The following RBFOX1 variants were observed in gnomAD, a reference collection of about 807,000 sequenced individuals.
RBFOX1 encodes RNA binding fox-1 homolog 1.
In RBFOX1, 8 loss-of-function variants were observed where a neutral mutation model predicts 57.7. The observed-to-expected ratio is 0.14, with a 90% CI of 0.08 to 0.25. The LOEUF (loss-of-function observed/expected upper bound fraction) is 0.25, where lower values mean the gene tolerates loss of function less well. RBFOX1 is among the 10% of genes least tolerant of loss of function. The pLI, the probability that RBFOX1 is intolerant of heterozygous loss-of-function variation, is 1.00. For synonymous variants in RBFOX1, 326 were observed against 222.4 expected, an observed-to-expected ratio of 1.47 and a Z score of -4.15; for missense variants, 611 against 548.5, an observed-to-expected ratio of 1.11 and a Z score of -1.14.
At chr16:6,853,881 G>A (rs75993328) in intron 3 of RBFOX1, among the ~76,000 whole-genome samples, 3,326 of 152,254 alleles carry the variant, frequency 0.022, 129 homozygotes, top group African/African-American at 0.075. Flanking sequence ...AATATAGCCA[G>A]GGCCAGGATC....
chr16:7,402,907 T>G (rs1054097878), intron 4 of RBFOX1, among the ~76,000 whole-genome samples: 4 of 152,112 alleles, frequency 2.6e-5, no homozygotes, highest in South Asian at 4.1e-4. Flanking sequence ...TAAACTGTGG[T>G]CTATAGATGT....
chr16:5,878,423 A>C (rs1364313031), intron 4 of RBFOX1, among the ~76,000 whole-genome samples: 1 of 152,226 alleles, frequency 6.6e-6, no homozygotes, highest in East Asian at 1.9e-4. Flanking sequence ...AGAAGAGTTT[A>C]TGGGACCCAC....
At chr16:6,892,304 C>T (rs1402498392) in intron 3 of RBFOX1, among the ~76,000 whole-genome samples, 6 of 152,152 alleles carry the variant, frequency 3.9e-5, no homozygotes, top group African/African-American at 1.4e-4. Flanking sequence ...CCGTAAAGTA[C>T]TGGATCTCTC....
intron 4 of RBFOX1, among the ~76,000 whole-genome samples, chr16:5,917,319 T>G (rs1597784511): frequency 6.6e-6 from 1 of 152,148 alleles, no homozygotes; most frequent in African/African-American, 2.4e-5. Context: ...GTAAGTCCAT[T>G]AAGCGCCCAC....
chr16:6,868,486 T>G (rs75740006), intron 3 of RBFOX1, among the ~76,000 whole-genome samples: 4,334 of 152,140 alleles, frequency 0.028, 209 homozygotes, highest in East Asian at 0.2. Context: ...TTTATGATTT[T>G]TTTTTGAGAC....
intron 4 of RBFOX1, among the ~76,000 whole-genome samples, chr16:7,245,392 C>T (rs2094249785): frequency 6.6e-6 from 1 of 151,978 alleles, no homozygotes; most frequent in Admixed American, 6.6e-5. Flanking sequence ...TAAACATGTG[C>T]CATGGTTGTT....
At chr16:5,668,904 T>A (rs2049932638) in intron 3 of RBFOX1, among the ~76,000 whole-genome samples, 1 of 152,142 alleles carries the variant, frequency 6.6e-6, no homozygotes, top group African/African-American at 2.4e-5. Context: ...GTTCACAGTT[T>A]TGGAGATGGA....
chr16:5,626,528 G>A lies in RBFOX1; in HGVS notation c.318+27567G>A, dbSNP rs190316591. On this transcript the variant is annotated intron_variant, in intron 3 of 19. Transcript: ENST00000641259. ...GGACTTTAACATATGAATTCTGGCG[G>A]AACACAGTTCAGCCCGTAGTGGACC... 3.9e-4 allele frequency among the ~76,000 whole-genome samples: 59 copies of A among 152,216 alleles called. No individual in the cohort carries two copies. The East Asian group carries it at 9.3e-3, about 24-fold the overall frequency.
At chr16:6,832,676 C>G (rs952106125) in intron 3 of RBFOX1, among the ~76,000 whole-genome samples, 1 of 152,134 alleles carries the variant, frequency 6.6e-6, no homozygotes. Context: ...AATTACTTTA[C>G]CCACTCAAAA....
intron 1 of RBFOX1, among the ~76,000 whole-genome samples, chr16:6,057,355 C>G (rs565316467): frequency 6.6e-6 from 1 of 151,968 alleles, no homozygotes; most frequent in East Asian, 1.9e-4. Context: ...TAATAAGCTC[C>G]AAACCCCAAA....
intron 2 of RBFOX1, among the ~76,000 whole-genome samples, chr16:5,566,018 C>T (rs770220458): frequency 2.0e-5 from 3 of 152,132 alleles, no homozygotes; most frequent in Non-Finnish European, 2.9e-5. Flanking sequence ...TAAGAGGAAA[C>T]CCCTTTCTCT....
intron 1 of RBFOX1, 127 bp from the exon 2 acceptor site, chr16:6,316,868 G>C: frequency 1.6e-6 from 1 of 640,002 alleles, no homozygotes; most frequent in Non-Finnish European, 2.6e-6. Flanking sequence ...CATCATTGCT[G>C]TTAAATTCAC....
intron 2 of RBFOX1, among the ~76,000 whole-genome samples, chr16:5,506,866 A>G (rs919185091): frequency 4.6e-5 from 7 of 152,136 alleles, no homozygotes; most frequent in Non-Finnish European, 1.0e-4. Flanking sequence ...TCCTTTTAGC[A>G]TTTTGATACC....
chr16:5,914,569 C>T (rs1414987308), intron 4 of RBFOX1, among the ~76,000 whole-genome samples: 2 of 151,944 alleles, frequency 1.3e-5, no homozygotes, highest in Non-Finnish European at 2.9e-5. Context: ...TACAACATGG[C>T]AGCTGGTGAT....
At chr16:5,748,463 T>A (rs946503614) in intron 3 of RBFOX1, among the ~76,000 whole-genome samples, 1 of 152,198 alleles carries the variant, frequency 6.6e-6, no homozygotes, top group Non-Finnish European at 1.5e-5. Flanking sequence ...TGTCTAATGT[T>A]GACAGTGGGG....
At chr16:5,278,062 T>C (rs570404123) in intron 1 of RBFOX1, among the ~76,000 whole-genome samples, 1 of 152,150 alleles carries the variant, frequency 6.6e-6, no homozygotes, top group Non-Finnish European at 1.5e-5. Context: ...CTGTTCTTAG[T>C]TTTTTGAGAA....
At chr16:6,935,091 G>GAA (rs369445353) in intron 3 of RBFOX1, among the ~76,000 whole-genome samples, 5 of 146,942 alleles carry the variant, frequency 3.4e-5, no homozygotes, top group South Asian at 2.2e-4. Flanking sequence ...CCCCATCTCG[G>GAA]AAAAAAAAAA....
At chr16:6,105,947 C>T (rs2096373054) in intron 1 of RBFOX1, among the ~76,000 whole-genome samples, 1 of 151,882 alleles carries the variant, frequency 6.6e-6, no homozygotes, top group Non-Finnish European at 1.5e-5. Context: ...TTTTTGGATA[C>T]ACCATCCCAC....
At chr16:6,953,239 C>G (rs776344561) in intron 3 of RBFOX1, among the ~76,000 whole-genome samples, 4 of 152,098 alleles carry the variant, frequency 2.6e-5, no homozygotes, top group African/African-American at 9.7e-5. Flanking sequence ...CTATGGTACT[C>G]TTTAATCAAA....
Sources: gnomAD v4.1 joint callset for allele counts (sites outside exome capture counted in the v4.1 genomes callset) on GRCh38, gnomAD v4.1.1 for gene constraint, MANE v1.5 for transcripts, NCBI Gene and HGNC (gene_info 2026-07-23, HGNC 2026-07-21) for gene names.